ACMSD: variants seen among roughly 807,000 people sequenced by gnomAD.
ACMSD encodes the protein aminocarboxymuconate semialdehyde decarboxylase, also known as 2-amino-3-carboxymuconate-6-semialdehyde decarboxylase.
Under a neutral mutation model 45.9 loss-of-function variants are expected in ACMSD, and 37 were observed. The observed-to-expected ratio is 0.81, with a 90% CI of 0.62 to 1.06. ACMSD has a LOEUF of 1.06. ACMSD is among the 50% of genes least tolerant of loss of function. The pLI is 0.00. For missense variants in ACMSD, 434 were observed against 420.9 expected, an observed-to-expected ratio of 1.03 and a Z score of -0.27; for synonymous variants, 138 against 148.8, an observed-to-expected ratio of 0.93 and a Z score of 0.53.
intron 9 of ACMSD, 101 bp from the exon 10 acceptor site, chr2:134,901,697 T>G: frequency 4.3e-6 from 3 of 703,730 alleles, no homozygotes; most frequent in Non-Finnish European, 6.7e-6. Flanking sequence ...TATTTTTCTC[T>G]CATATTGGGG....
intron 6 of ACMSD, among the ~76,000 whole-genome samples, chr2:134,868,441 A>G (rs1258812834): frequency 2.8e-5 from 4 of 143,240 alleles, no homozygotes; most frequent in African/African-American, 1.0e-4. Context: ...AAAGTGCTGG[A>G]TATTTTTTTC....
chr2:134,880,995 T>C (rs1414250596), intron 8 of ACMSD, among the ~76,000 whole-genome samples: 1 of 152,150 alleles, frequency 6.6e-6, no homozygotes, highest in Non-Finnish European at 1.5e-5. Flanking sequence ...ATTCATATGT[T>C]ATTCACTTTC....
chr2:134,855,419 A>G (rs757309147), intron 2 of ACMSD, among the ~76,000 whole-genome samples: 1 of 151,900 alleles, frequency 6.6e-6, no homozygotes, highest in Non-Finnish European at 1.5e-5. Flanking sequence ...AATAAATTCA[A>G]CTCTTCCTGT....
intron 8 of ACMSD, among the ~76,000 whole-genome samples, chr2:134,877,815 C>T (rs532646728): frequency 1.6e-4 from 25 of 152,258 alleles, no homozygotes; most frequent in African/African-American, 5.8e-4. Flanking sequence ...ACATTTTATT[C>T]ATTAGAAGCA....
At chr2:134,867,418 A>G (rs141124785) in intron 5 of ACMSD, 161 bp from the exon 6 acceptor site, 226 of 413,028 alleles carry the variant, frequency 5.5e-4, no homozygotes, top group African/African-American at 4.3e-3. Flanking sequence ...AAGTTTGTCA[A>G]TATCTCTTCT....
Position 134,843,625 on chromosome 2 carries a change from T to C in ACMSD, c.58-1608T>C, listed in dbSNP as rs537782251. 1.1e-4 allele frequency among the ~76,000 whole-genome samples: 16 copies of C among 152,258 alleles called. 1 individual carries two copies. The South Asian group carries it at 3.3e-3, about 32-fold the overall frequency. On this transcript the variant is annotated intron_variant, in intron 1 of 9. Coordinates refer to ENST00000356140, the MANE Select transcript of ACMSD (RefSeq NM_138326.3). ...AGCATGAGAACCAACTGCTGTACCC[T>C]GGCCTCATCCAGCCACAAGTGAGAG... is the stretch of plus-strand genomic sequence containing the variant.
intron 5 of ACMSD, among the ~76,000 whole-genome samples, chr2:134,867,136 C>T (rs985335414): frequency 6.6e-6 from 1 of 152,240 alleles, no homozygotes; most frequent in Non-Finnish European, 1.5e-5. Flanking sequence ...GGGGCACTCT[C>T]GCCCTGACTC....
intron 1 of ACMSD, among the ~76,000 whole-genome samples, chr2:134,843,127 TATTCC>T (rs1227354601): frequency 6.6e-6 from 1 of 152,198 alleles, no homozygotes; most frequent in Non-Finnish European, 1.5e-5. Flanking sequence ...ATTAAGGTCA[TATTCC>T]ATTCCTCCCC....
At chr2:134,861,822 G>A in intron 3 of ACMSD, 147 bp from the exon 4 acceptor site, 2 of 789,360 alleles carry the variant, frequency 2.5e-6, no homozygotes, top group South Asian at 1.5e-5. Flanking sequence ...GGCTGAGGGG[G>A]GTCCAGGGAG....
At chr2:134,882,437 T>C (rs547371076) in intron 8 of ACMSD, among the ~76,000 whole-genome samples, 5 of 152,306 alleles carry the variant, frequency 3.3e-5, no homozygotes, top group African/African-American at 1.2e-4. Flanking sequence ...GCAGAGTTGG[T>C]GTGACGAGTT....
intron 8 of ACMSD, among the ~76,000 whole-genome samples, chr2:134,897,868 T>C (rs1475933229): frequency 1.4e-5 from 2 of 146,838 alleles, no homozygotes; most frequent in Non-Finnish European, 1.5e-5. Context: ...CTTTTTCTAT[T>C]TTTTGTTTTT....
intron 8 of ACMSD, among the ~76,000 whole-genome samples, chr2:134,878,576 C>A (rs1164656779): frequency 6.6e-6 from 1 of 152,188 alleles, no homozygotes; most frequent in Non-Finnish European, 1.5e-5. Flanking sequence ...ATCCACCCAC[C>A]TCAGCCTCCC....
chr2:134,842,249 C>T (rs1052813490), intron 1 of ACMSD, among the ~76,000 whole-genome samples: 3 of 152,060 alleles, frequency 2.0e-5, no homozygotes, highest in Non-Finnish European at 2.9e-5. Context: ...ATGAGAACTG[C>T]GGGGCTACAT....
rs779358984 is a variant in ACMSD at position 134,872,641 on chromosome 2, G to A, written c.849G>A (p.Lys283=). 1.9e-5 allele frequency: 31 copies of A among 1,614,158 alleles called. No individual in the cohort carries two copies. The highest frequency in any genetic ancestry group is 2.6e-5 in the Non-Finnish European group (31 of 1,180,016). ...AGCTGTTAACAGATGTCATAGGAAA[G>A]GTAAGCCCAGTCTGCCACTTGGATG... ...SLKLLTDVIG[K]DKVILGTDYP... The change falls in exon 8 of 10, where the codon AAG becomes AAA. Residue 283 remains lysine, a splice_region_variant and synonymous_variant. Transcript: ENST00000356140.
intron 8 of ACMSD, chr2:134,873,797 T>G (rs887985509): frequency 5.9e-5 from 9 of 152,224 alleles, no homozygotes; most frequent in Non-Finnish European, 1.2e-4. Flanking sequence ...GACTGTTGAT[T>G]GTTTTTGGTT....
intron 6 of ACMSD, among the ~76,000 whole-genome samples, chr2:134,868,403 A>G (rs1391211734): frequency 6.6e-6 from 1 of 150,560 alleles, no homozygotes; most frequent in Non-Finnish European, 1.5e-5. Context: ...TCATCTACAA[A>G]CCCAATGAAA....
At chr2:134,840,038 C>A (rs1276648379) in intron 1 of ACMSD, among the ~76,000 whole-genome samples, 1 of 151,756 alleles carries the variant, frequency 6.6e-6, no homozygotes, top group African/African-American at 2.4e-5. Context: ...ATGAATGATG[C>A]AATGAACACA....
At chr2:134,863,185 C>A in intron 4 of ACMSD, 1 of 530,608 alleles carries the variant, frequency 1.9e-6, no homozygotes, top group Non-Finnish European at 2.4e-6. Context: ...AATGAATCAG[C>A]AATATACCTG....
At chr2:134,849,414 T>A (rs1272192266) in intron 2 of ACMSD, among the ~76,000 whole-genome samples, 1 of 152,114 alleles carries the variant, frequency 6.6e-6, no homozygotes, top group East Asian at 1.9e-4. Flanking sequence ...GGGATTTGAG[T>A]CCATAGAAAA....
Sources: gnomAD v4.1 joint callset for allele counts (sites outside exome capture counted in the v4.1 genomes callset) on GRCh38, gnomAD v4.1.1 for gene constraint, MANE v1.5 for transcripts, NCBI Gene and HGNC (gene_info 2026-07-23, HGNC 2026-07-21) for gene names.